Variants in OR8U1 observed in about 807,000 individuals in gnomAD.
OR8U1 encodes the protein olfactory receptor family 8 subfamily U member 1.
For synonymous variants in OR8U1, 123 were observed against 128.9 expected (o/e 0.95, Z 0.31); for missense variants, 371 against 362.5 (o/e 1.02, Z -0.19).
Position 56,376,416 on chromosome 11 carries a change from A to G in OR8U1, c.793A>G (p.Ser265Gly). 1 of 1,614,284 alleles carries G rather than the reference A, an allele frequency of 6.2e-7. No individual in the cohort carries two copies. The highest frequency in any genetic ancestry group is 8.5e-7 in the Non-Finnish European group (1 of 1,180,052). ...LIFMYLQPSS[S>G]HALDTDKMAS... Reference sequence around the variant, plus strand: ...TTTTATGTACTTACAGCCTAGCTCTAGCCATGCCCTGGACACAGACAAGAT... The same window carrying G: ...TTTTATGTACTTACAGCCTAGCTCTGGCCATGCCCTGGACACAGACAAGAT... Residue 265 changes from serine to glycine, a missense_variant, in exon 1 of 1, where the codon AGC becomes GGC. Coordinates refer to ENST00000302270, the MANE Select transcript of OR8U1 (RefSeq NM_001005204.1).
rs1343825096 is a variant in OR8U1, at chr11:56,376,060, C to A, written c.437C>A (p.Ala146Glu). The A allele has an allele frequency of 1.2e-6, 2 of 1,614,172 alleles. No homozygotes were observed. Among genetic ancestry groups the A allele is most frequent in the Non-Finnish European group, 1.7e-6 (2 of 1,179,986 alleles). ...MTPGICIQLV[A>E]VPYSYSFLMA... ...CCAGGAATCTGCATTCAACTTGTAG[C>A]AGTTCCTTATAGCTATAGCTTCCTA... Residue 146 changes from alanine (A) to glutamate (E), a missense_variant, in exon 1 of 1, where the codon GCA becomes GAA. Physicochemically the swap from Ala to Glu is moderately radical, Grantham distance 107 (BLOSUM62 -1). Coordinates refer to ENST00000302270, the MANE Select transcript of OR8U1 (RefSeq NM_001005204.1).
At position 56,375,873 on chromosome 11, in the gene OR8U1, A is replaced by G. The variant is rs1852783676; in HGVS notation, c.250A>G (p.Asn84Asp). 6.2e-7 allele frequency: 1 copy of G among 1,614,192 alleles called. No individual in the cohort carries two copies. Among genetic ancestry groups the G allele is most frequent in the South Asian group, 1.1e-5 (1 of 91,084 alleles). ...TGTCATTACACCCAAAATGCTTGGG[A>G]ATTTCTTGTACAAACAAAATGTTAT... Reference protein sequence around the residue: ...SSVITPKMLGNFLYKQNVISF... With the variant: ...SSVITPKMLGDFLYKQNVISF... The change falls in exon 1 of 1, where the codon AAT becomes GAT. Residue 84 changes from asparagine to aspartate, a missense_variant. Physicochemically the swap from Asn to Asp is conservative, Grantham distance 23. Coordinates refer to ENST00000302270, the MANE Select transcript of OR8U1 (RefSeq NM_001005204.1).
rs1852792922 is a variant in OR8U1, at chr11:56,376,125, T to C, written c.502T>C (p.Tyr168His). The change falls in exon 1 of 1, where the codon TAT becomes CAT. Residue 168 changes from tyrosine (Y) to histidine (H), a missense_variant. Tyr to His is a moderately conservative substitution (Grantham distance 83). Coordinates refer to ENST00000302270, the MANE Select transcript of OR8U1 (RefSeq NM_001005204.1). Reference protein sequence around the residue: ...FHTILTFRLSYCHSNIVNHFY... With the variant: ...FHTILTFRLSHCHSNIVNHFY... ...CACCATCCTCACCTTCCGCCTCTCCTATTGCCACTCCAACATTGTCAACCA... is the reference window on the plus strand; with the variant it reads ...CACCATCCTCACCTTCCGCCTCTCCCATTGCCACTCCAACATTGTCAACCA... The C allele has an allele frequency of 6.2e-7, 1 of 1,614,232 alleles. No homozygotes were observed. The highest frequency in any genetic ancestry group is 2.2e-5 in the East Asian group (1 of 44,896).
In OR8U1 at chr11:56,376,518, G is replaced by T; in HGVS notation, c.895G>T (p.Glu299Ter). 1 of 1,585,552 alleles carries T rather than the reference G, an allele frequency of 6.3e-7. No individual in the cohort carries two copies. The highest frequency in any genetic ancestry group is 8.5e-7 in the Non-Finnish European group (1 of 1,170,674). Residue 299 changes from glutamate to a stop codon, truncating the protein, a stop_gained, in exon 1 of 1, where the codon GAA (glutamate) becomes TAA (stop). Transcript: ENST00000302270. LOFTEE classifies it low-confidence loss of function (END_TRUNC). ...TAGCCTCCAGAATAAGGAGGTGAAA[G>T]AAGCTCTGAAGAAAATCATTATCAA... ...IYSLQNKEVK[E>*]ALKKIIINKN
In OR8U1 at chr11:56,376,008, C is replaced by T; in HGVS notation, c.385C>T (p.Pro129Ser). ...TGACCGATATGTGGCCATTTGTAAC[C>T]CTCTATTGTATATGGTTGTAATGAC... The part of the protein sequence containing the change: ...AYDRYVAICN[P>S]LLYMVVMTPG... Residue 129 changes from proline to serine, a missense_variant, in exon 1 of 1, where the codon CCT (proline) becomes TCT (serine). Coordinates refer to ENST00000302270, the MANE Select transcript of OR8U1 (RefSeq NM_001005204.1). 1.2e-6 allele frequency: 2 copies of T among 1,614,172 alleles called. No homozygotes were observed. The highest frequency in any genetic ancestry group is 1.7e-6 in the Non-Finnish European group (2 of 1,179,996).
At position 56,376,403 on chromosome 11, in the gene OR8U1, A is replaced by G. The variant is rs1852802123; in HGVS notation, c.780A>G (p.Leu260=). 2 of 1,614,276 alleles carry G rather than the reference A, an allele frequency of 1.2e-6. No individual in the cohort carries two copies. Among genetic ancestry groups the G allele is most frequent in the East Asian group, 4.5e-5 (2 of 44,892 alleles). The change falls in exon 1 of 1, where the codon TTA becomes TTG. Residue 260 remains leucine, a synonymous_variant. Coordinates refer to ENST00000302270, the MANE Select transcript of OR8U1 (RefSeq NM_001005204.1). ...ATGGGACCCTCATTTTTATGTACTT[A>G]CAGCCTAGCTCTAGCCATGCCCTGG... ...IFYGTLIFMY[L]QPSSSHALDT... is the part of the protein sequence containing the mutation.
chr11:56,376,302 A>G lies in OR8U1; in HGVS notation c.679A>G (p.Arg227Gly), dbSNP rs1276035334. 5.6e-6 allele frequency: 9 copies of G among 1,614,266 alleles called. No homozygotes were observed. The highest frequency in any genetic ancestry group is 7.6e-6 in the Non-Finnish European group (9 of 1,180,030). Residue 227 changes from arginine (R) to glycine (G), a missense_variant, in exon 1 of 1, where the codon AGG becomes GGG. Transcript: ENST00000302270. ...CATGTTCATCATTTCTGCCATCCTG[A>G]GGATGCATTCAGCTGAGGGAAGACA... ...SYMFIISAIL[R>G]MHSAEGRQKA...
rs368646710 is a variant in OR8U1 at position 56,376,104 on chromosome 11, A to G, written c.481A>G (p.Ile161Val). The change falls in exon 1 of 1, where the codon ATC becomes GTC. Residue 161 changes from isoleucine (I) to valine (V), a missense_variant. By Grantham distance (29) the Ile-to-Val change is conservative. Coordinates refer to ENST00000302270, the MANE Select transcript of OR8U1 (RefSeq NM_001005204.1). The part of the protein sequence containing the change: ...YSFLMALFHT[I>V]LTFRLSYCHS... Reference sequence around the variant, plus strand: ...CTTCCTAATGGCACTATTTCACACCATCCTCACCTTCCGCCTCTCCTATTG... The same window carrying G: ...CTTCCTAATGGCACTATTTCACACCGTCCTCACCTTCCGCCTCTCCTATTG... The G allele has an allele frequency of 3.8e-4, 606 of 1,614,026 alleles. No homozygotes were observed. The highest frequency in any genetic ancestry group is 1.5e-3 in the Admixed American group (90 of 59,984).
At position 56,376,458 on chromosome 11, in the gene OR8U1, A is replaced by C. The variant is rs973298294; in HGVS notation, c.835A>C (p.Thr279Pro). 23 of 1,614,152 alleles carry C rather than the reference A, an allele frequency of 1.4e-5. No homozygotes were observed. Among genetic ancestry groups the C allele is most frequent in the Non-Finnish European group, 1.8e-5 (21 of 1,180,048 alleles). The change falls in exon 1 of 1, where the codon ACA (threonine) becomes CCA (proline). Residue 279 changes from threonine (T) to proline (P), a missense_variant. Coordinates refer to ENST00000302270, the MANE Select transcript of OR8U1 (RefSeq NM_001005204.1). ...AGACAAGATGGCCTCTGTCTTCTACACAGTGATCATTCCCATGTTGAATCC... is the reference window on the plus strand; with the variant it reads ...AGACAAGATGGCCTCTGTCTTCTACCCAGTGATCATTCCCATGTTGAATCC... ...DTDKMASVFY[T>P]VIIPMLNPLI... is the part of the protein sequence containing the mutation.
In OR8U1 at chr11:56,375,822, G is replaced by A. The variant is rs1174835321; in HGVS notation, c.199G>A (p.Ala67Thr). 6.2e-7 allele frequency: 1 copy of A among 1,614,038 alleles called. No homozygotes were observed. The highest frequency in any genetic ancestry group is 8.5e-7 in the Non-Finnish European group (1 of 1,180,002). ...TPMYFFLSNL[A>T]FVDFCYSSVI... ...AATGTACTTCTTTCTTAGCAACCTA[G>A]CTTTTGTGGATTTCTGTTACTCTTC... Residue 67 changes from alanine (A) to threonine (T), a missense_variant, in exon 1 of 1, where the codon GCT becomes ACT. Transcript: ENST00000302270.
In OR8U1 at chr11:56,375,698, G is replaced by A; in HGVS notation, c.75G>A (p.Met25Ile). The change falls in exon 1 of 1, where the codon ATG (methionine) becomes ATA (isoleucine). Residue 25 changes from methionine (M) to isoleucine (I), a missense_variant. Transcript: ENST00000302270. ...TCACAGACCATCAGGAGTTGAAGAT[G>A]CCCCTCTTTGTGCTATTCTTATCCA... is the stretch of plus-strand genomic sequence containing the variant. ...VGLTDHQELK[M>I]PLFVLFLSIY... 2 of 1,613,904 alleles carry A rather than the reference G, an allele frequency of 1.2e-6. No homozygotes were observed. The highest frequency in any genetic ancestry group is 1.7e-6 in the Non-Finnish European group (2 of 1,179,828).
In OR8U1 at chr11:56,376,540, T is replaced by A. The variant is rs1036444966; in HGVS notation, c.917T>A (p.Ile306Asn). The A allele has an allele frequency of 1.9e-6, 3 of 1,570,598 alleles. No individual in the cohort carries two copies. Among genetic ancestry groups the A allele is most frequent in the East Asian group, 2.2e-5 (1 of 44,546 alleles). ...AAAGAAGCTCTGAAGAAAATCATTATCAATAAAAACTAGAGTTTTGTGTTT... is the reference window on the plus strand; with the variant it reads ...AAAGAAGCTCTGAAGAAAATCATTAACAATAAAAACTAGAGTTTTGTGTTT... Reference protein sequence around the residue: ...EVKEALKKIIINKN With the variant: ...EVKEALKKIINNKN Residue 306 changes from isoleucine (I) to asparagine (N), a missense_variant, in exon 1 of 1, where the codon ATC becomes AAC. Transcript: ENST00000302270.
In OR8U1 at chr11:56,376,425, C is replaced by T; in HGVS notation, c.802C>T (p.Leu268=). ...CTTACAGCCTAGCTCTAGCCATGCC[C>T]TGGACACAGACAAGATGGCCTCTGT... ...MYLQPSSSHA[L]DTDKMASVFY... is the part of the protein sequence containing the mutation. Residue 268 remains leucine, a synonymous_variant, in exon 1 of 1, where the codon CTG becomes TTG. Coordinates refer to ENST00000302270, the MANE Select transcript of OR8U1 (RefSeq NM_001005204.1). 3 of 1,614,274 alleles carry T rather than the reference C, an allele frequency of 1.9e-6. No individual in the cohort carries two copies. The highest frequency in any genetic ancestry group is 1.1e-5 in the South Asian group (1 of 91,090).
At position 56,376,109 on chromosome 11, in the gene OR8U1, C is replaced by T. The variant is rs535481699; in HGVS notation, c.486C>T (p.Leu162=). The stretch of plus-strand genomic sequence containing the variant: ...TAATGGCACTATTTCACACCATCCT[C>T]ACCTTCCGCCTCTCCTATTGCCACT... ...SFLMALFHTI[L]TFRLSYCHSN... Residue 162 remains leucine, a synonymous_variant, in exon 1 of 1, where the codon CTC becomes CTT. Transcript: ENST00000302270. 1 of 1,614,248 alleles carries T rather than the reference C, an allele frequency of 6.2e-7. No individual in the cohort carries two copies. The highest frequency in any genetic ancestry group is 1.3e-5 in the African/African-American group (1 of 75,084).
At position 56,375,806 on chromosome 11, in the gene OR8U1, C is replaced by A. The variant is rs748069339; in HGVS notation, c.183C>A (p.Phe61Leu). Residue 61 changes from phenylalanine (F) to leucine (L), a missense_variant, in exon 1 of 1, where the codon TTC (phenylalanine) becomes TTA (leucine). Coordinates refer to ENST00000302270, the MANE Select transcript of OR8U1 (RefSeq NM_001005204.1). ...CAAGTCTCAACACACCAATGTACTTCTTTCTTAGCAACCTAGCTTTTGTGG... is the reference window on the plus strand; with the variant it reads ...CAAGTCTCAACACACCAATGTACTTATTTCTTAGCAACCTAGCTTTTGTGG... ...ADTSLNTPMY[F>L]FLSNLAFVDF... The A allele has an allele frequency of 1.2e-6, 2 of 1,614,184 alleles. No individual in the cohort carries two copies. Among genetic ancestry groups the A allele is most frequent in the South Asian group, 1.1e-5 (1 of 91,082 alleles).
Position 56,375,845 on chromosome 11 carries a change from T to G in OR8U1, c.222T>G (p.Ser74=), listed in dbSNP as rs764407085. ...TAGCTTTTGTGGATTTCTGTTACTC[T>G]TCTGTCATTACACCCAAAATGCTTG... is the stretch of plus-strand genomic sequence containing the variant. ...SNLAFVDFCY[S]SVITPKMLGN... Residue 74 remains serine, a synonymous_variant, in exon 1 of 1, where the codon TCT becomes TCG. Transcript: ENST00000302270. 2 of 1,614,170 alleles carry G rather than the reference T, an allele frequency of 1.2e-6. No homozygotes were observed. The highest frequency in any genetic ancestry group is 1.7e-6 in the Non-Finnish European group (2 of 1,180,008).
At position 56,375,654 on chromosome 11, in the gene OR8U1, G is replaced by T; in HGVS notation, c.31G>T (p.Glu11Ter). 9 of 1,611,540 alleles carry T rather than the reference G, an allele frequency of 5.6e-6. No individual in the cohort carries two copies. Among genetic ancestry groups the T allele is most frequent in the Non-Finnish European group, 7.6e-6 (9 of 1,178,986 alleles). MAHINCTQAT[E>*]FILVGLTDHQ... is the part of the protein sequence containing the mutation. ...TCACATCAATTGCACCCAGGCGACA[G>T]AGTTTATTCTTGTGGGCCTCACAGA... is the stretch of plus-strand genomic sequence containing the variant. The change falls in exon 1 of 1, where the codon GAG (glutamate) becomes TAG (stop). Residue 11 changes from glutamate (E) to a stop codon, truncating the protein, a stop_gained. Coordinates refer to ENST00000302270, the MANE Select transcript of OR8U1 (RefSeq NM_001005204.1). LOFTEE classifies it low-confidence loss of function (END_TRUNC).
chr11:56,375,764 A>G lies in OR8U1; in HGVS notation c.141A>G (p.Leu47=). The change falls in exon 1 of 1, where the codon CTA becomes CTG. Residue 47 remains leucine (L), a synonymous_variant. Transcript: ENST00000302270. The part of the protein sequence containing the change: ...FTVVGNLGLI[L]LIRADTSLNT... ...TGGTAGGCAACTTGGGTTTGATCCT[A>G]CTCATTAGAGCGGATACAAGTCTCA... The G allele has an allele frequency of 1.9e-6, 3 of 1,614,194 alleles. No homozygotes were observed. Among genetic ancestry groups the G allele is most frequent in the Non-Finnish European group, 2.5e-6 (3 of 1,180,004 alleles).
At position 56,375,985 on chromosome 11, in the gene OR8U1, A is replaced by G; in HGVS notation, c.362A>G (p.Asp121Gly). 1 of 1,614,136 alleles carries G rather than the reference A, an allele frequency of 6.2e-7. No homozygotes were observed. The highest frequency in any genetic ancestry group is 2.2e-5 in the East Asian group (1 of 44,888). The change falls in exon 1 of 1, where the codon GAC (aspartate) becomes GGC (glycine). Residue 121 changes from aspartate (D) to glycine (G), a missense_variant. By Grantham distance (94) the Asp-to-Gly change is moderately conservative. Coordinates refer to ENST00000302270, the MANE Select transcript of OR8U1 (RefSeq NM_001005204.1). Reference sequence around the variant, plus strand: ...TTGCTACTGGCTTCCATGGCCTATGACCGATATGTGGCCATTTGTAACCCT... The same window carrying G: ...TTGCTACTGGCTTCCATGGCCTATGGCCGATATGTGGCCATTTGTAACCCT... ...ESLLLASMAY[D>G]RYVAICNPLL...
Sources: allele counts gnomAD v4.1 joint callset, GRCh38; gene constraint gnomAD v4.1.1; transcripts MANE v1.5; gene names NCBI Gene and HGNC (gene_info 2026-07-23, HGNC 2026-07-21).